DAAM1: variants seen among roughly 807,000 people sequenced by gnomAD.
DAAM1 encodes the protein dishevelled associated activator of morphogenesis 1, also known as disheveled-associated activator of morphogenesis 1.
Under a neutral mutation model 130.0 loss-of-function variants are expected in DAAM1, and 52 were observed. The ratio of observed to expected loss-of-function variants is 0.40; its 90% confidence interval spans 0.32 to 0.50. The LOEUF (loss-of-function observed/expected upper bound fraction) is 0.50. DAAM1 is among the 20% of genes least tolerant of loss of function. The pLI is 0.61. For missense variants in DAAM1, 1,134 were observed against 1,303.8 expected, an observed-to-expected ratio of 0.87 and a Z score of 2.01; for synonymous variants, 452 against 444.5, an observed-to-expected ratio of 1.02 and a Z score of -0.21.
At chr14:59,226,057 AT>A (rs1052748980) in intron 1 of DAAM1, among the ~76,000 whole-genome samples, 41 of 148,668 alleles carry the variant, frequency 2.8e-4, no homozygotes, top group South Asian at 6.4e-4. Flanking sequence ...CCTGATGATA[AT>A]TTTTTTTTTT....
intron 1 of DAAM1, among the ~76,000 whole-genome samples, chr14:59,228,116 A>G (rs1428414546): frequency 6.6e-6 from 1 of 152,112 alleles, no homozygotes; most frequent in East Asian, 1.9e-4. Context: ...TTTTTCTTCT[A>G]AATCTTAAGG....
At chr14:59,266,770 G>T (rs191645361) in intron 2 of DAAM1, among the ~76,000 whole-genome samples, 1 of 152,320 alleles carries the variant, frequency 6.6e-6, no homozygotes, top group East Asian at 1.9e-4. Context: ...AAGCAATTCT[G>T]CCTCTGGCCT....
At chr14:59,234,524 G>A (rs1412352121) in intron 1 of DAAM1, among the ~76,000 whole-genome samples, 1 of 152,110 alleles carries the variant, frequency 6.6e-6, no homozygotes, top group Non-Finnish European at 1.5e-5. Flanking sequence ...AGGAGTTTTT[G>A]GGCTGAGATG....
chr14:59,362,510 C>CA (rs553403619), intron 22 of DAAM1: 91 of 152,278 alleles, frequency 6.0e-4, no homozygotes, highest in African/African-American at 2.2e-3. Context: ...CAGATACACT[C>CA]ACTTTCCAAG....
chr14:59,342,735 C>T (rs556088734), intron 16 of DAAM1, among the ~76,000 whole-genome samples: 1 of 152,284 alleles, frequency 6.6e-6, no homozygotes, highest in African/African-American at 2.4e-5. Flanking sequence ...CAGTTCAGGG[C>T]TTACACTGGT....
At chr14:59,297,971 G>A (rs1011521733) in intron 3 of DAAM1, among the ~76,000 whole-genome samples, 1 of 152,206 alleles carries the variant, frequency 6.6e-6, no homozygotes, top group South Asian at 2.1e-4. Context: ...CTGCCAAAGT[G>A]TATATAAAGA....
At chr14:59,360,610 AACAT>A (rs2139682890) in intron 21 of DAAM1, 188 bp from the exon 22 acceptor site, 1 of 404,298 alleles carries the variant, frequency 2.5e-6, no homozygotes, top group East Asian at 3.7e-5. Flanking sequence ...ACAGAAAACA[AACAT>A]AATTTTATAC....
chr14:59,360,613 AT>A (rs1886670044), intron 21 of DAAM1, 188 bp from the exon 22 acceptor site: 4 of 407,630 alleles, frequency 9.8e-6, no homozygotes. Context: ...GAAAACAAAC[AT>A]AATTTTATAC....
chr14:59,221,915 T>A (rs1888784945), intron 1 of DAAM1, among the ~76,000 whole-genome samples: 1 of 152,246 alleles, frequency 6.6e-6, no homozygotes, highest in South Asian at 2.1e-4. Context: ...CCACTAGGCG[T>A]AATGGTGAGT....
chr14:59,359,341 G>A, intron 20 of DAAM1, 56 bp from the exon 21 acceptor site: 4 of 1,235,164 alleles, frequency 3.2e-6, no homozygotes, highest in Non-Finnish European at 4.7e-6. Context: ...ATATATTTAT[G>A]TAGTTTAAAT....
chr14:59,259,332 A>G (rs550604962), intron 1 of DAAM1, among the ~76,000 whole-genome samples: 1 of 152,312 alleles, frequency 6.6e-6, no homozygotes, highest in East Asian at 1.9e-4. Context: ...CCCAGACCAT[A>G]TCTAGTTAGG....
At chr14:59,354,217 C>T (rs756081795) in intron 19 of DAAM1, among the ~76,000 whole-genome samples, 18 of 152,236 alleles carry the variant, frequency 1.2e-4, no homozygotes, top group Non-Finnish European at 2.2e-4. Context: ...CCTGCCACCA[C>T]GCCTGGCTAA....
chr14:59,192,149 G>GGTGTGTGTGTGTGTGTGT (rs55791691), intron 1 of DAAM1, among the ~76,000 whole-genome samples: 2 of 138,650 alleles, frequency 1.4e-5, no homozygotes, highest in South Asian at 2.5e-4. Context: ...CTTGTTAAGG[G>GGTGTGTGTGTGTGTGTGT]GTGTGTGTGT....
intron 2 of DAAM1, among the ~76,000 whole-genome samples, chr14:59,276,168 T>G (rs77709316): frequency 7.9e-5 from 12 of 152,248 alleles, no homozygotes; most frequent in African/African-American, 2.9e-4. Context: ...TTTAAGTGCT[T>G]CTTTGGCAAT....
chr14:59,257,298 G>T (rs896886148), intron 1 of DAAM1, among the ~76,000 whole-genome samples: 2 of 151,866 alleles, frequency 1.3e-5, no homozygotes, highest in Non-Finnish European at 2.9e-5. Flanking sequence ...CATTTGTTGA[G>T]AATATACTAC....
At chr14:59,353,774 T>G (rs1594845410) in intron 18 of DAAM1, 102 bp from the exon 19 acceptor site, 1 of 978,918 alleles carries the variant, frequency 1.0e-6, no homozygotes, top group South Asian at 1.5e-5. Flanking sequence ...AGTGGGTGGG[T>G]ATTGGGGGAG....
intron 23 of DAAM1, among the ~76,000 whole-genome samples, 160 bp from the exon 24 acceptor site, chr14:59,367,269 T>C (rs1367297290): frequency 6.6e-6 from 1 of 152,134 alleles, no homozygotes; most frequent in East Asian, 1.9e-4. Flanking sequence ...GCCTGGGTGA[T>C]GGCGAAACTC....
chr14:59,300,193 A>G (rs1454341717), intron 3 of DAAM1, among the ~76,000 whole-genome samples: 1 of 152,228 alleles, frequency 6.6e-6, no homozygotes, highest in Non-Finnish European at 1.5e-5. Context: ...CAACACAAAG[A>G]GAATTCATTA....
intron 5 of DAAM1, 122 bp downstream of exon 5, chr14:59,320,706 A>G (rs1196232166): frequency 8.3e-6 from 5 of 605,584 alleles, no homozygotes; most frequent in Non-Finnish European, 1.1e-5. Flanking sequence ...ACATACTTTA[A>G]TCATTAACAT....
Sources: gnomAD v4.1 joint callset for allele counts (sites outside exome capture counted in the v4.1 genomes callset) on GRCh38, gnomAD v4.1.1 for gene constraint, MANE v1.5 for transcripts, NCBI Gene and HGNC (gene_info 2026-07-23, HGNC 2026-07-21) for gene names.